The following PEAK1 variants were observed in gnomAD, a reference collection of about 807,000 sequenced individuals.
PEAK1 encodes the protein inactive tyrosine-protein kinase PEAK1.
In PEAK1, 54 loss-of-function variants were observed where a neutral mutation model predicts 124.7. That is an observed-to-expected ratio of 0.43 (90% CI 0.35 to 0.54). The LOEUF is 0.54. Among genes scored for constraint, PEAK1 ranks in the 20% least tolerant of loss-of-function variants. PEAK1 has a pLI of 0.01. For missense variants in PEAK1, 2,046 were observed against 2,134.5 expected (o/e 0.96, Z 0.82); for synonymous variants, 719 against 760.0 (o/e 0.95, Z 0.89).
intron 6 of PEAK1, among the ~76,000 whole-genome samples, chr15:77,242,215 A>C (rs565052413): frequency 3.9e-5 from 6 of 152,086 alleles, no homozygotes; most frequent in Non-Finnish European, 8.8e-5. Flanking sequence ...TGGATCAAAC[A>C]GTATGCACAT....
chr15:77,133,356 AC>A lies in PEAK1; in HGVS notation c.3725del (p.Ser1242IlefsTer45). The A allele has an allele frequency of 6.2e-7, 1 of 1,614,200 alleles. No homozygotes were observed. Among genetic ancestry groups the A allele is most frequent in the South Asian group, 1.1e-5 (1 of 91,082 alleles). On this transcript the variant is annotated frameshift_variant, in exon 9 of 10. Coordinates refer to ENST00000682557, the MANE Select transcript of PEAK1 (RefSeq NM_001385026.1). LOFTEE classifies it high-confidence loss of function. The surrounding 1 kb of genome is among the most constrained non-coding windows in gnomAD (Gnocchi z 4.2). ...ANSISSLTTL[S>X]IKDRFSNSME... The stretch of plus-strand genomic sequence containing the variant: ...TGCTGTTGGAAAATCTATCCTTAAT[AC>A]TGAGAGTGGTTAAGCTGGAAATGCT...
At chr15:77,353,748 A>T (rs1268483706) in intron 2 of PEAK1, among the ~76,000 whole-genome samples, 1 of 152,244 alleles carries the variant, frequency 6.6e-6, no homozygotes, top group Non-Finnish European at 1.5e-5. Flanking sequence ...GGGAAATACA[A>T]AGAAGTCAGC....
intron 7 of PEAK1, among the ~76,000 whole-genome samples, chr15:77,172,954 A>T (rs1424195162): frequency 6.6e-6 from 1 of 152,068 alleles, no homozygotes; most frequent in Non-Finnish European, 1.5e-5. Context: ...AGGTCTCATT[A>T]TGTTACCTAG....
chr15:77,414,197 T>TTCTTTC (rs748182971), intron 1 of PEAK1, among the ~76,000 whole-genome samples: 2,102 of 144,500 alleles, frequency 0.015, 42 homozygotes, highest in African/African-American at 0.039. Flanking sequence ...CTTTCCTTCC[T>TTCTTTC]TCTTTCCTTC....
At chr15:77,218,761 T>C (rs771369232) in intron 6 of PEAK1, among the ~76,000 whole-genome samples, 1 of 151,890 alleles carries the variant, frequency 6.6e-6, no homozygotes, top group Non-Finnish European at 1.5e-5. Flanking sequence ...TTTTGCATTA[T>C]TTTTTTTCCC....
At chr15:77,337,990 T>C (rs1233900067) in intron 2 of PEAK1, 1 of 984,374 alleles carries the variant, frequency 1.0e-6, no homozygotes, top group African/African-American at 1.7e-5. Flanking sequence ...CTGGAACCTA[T>C]AATAAATTAT....
chr15:77,302,793 C>T (rs1166591113), intron 2 of PEAK1, among the ~76,000 whole-genome samples: 1 of 152,144 alleles, frequency 6.6e-6, no homozygotes, highest in Admixed American at 6.5e-5. Context: ...AAAATTTGTA[C>T]ACATTAAGAT....
intron 6 of PEAK1, among the ~76,000 whole-genome samples, 166 bp from the exon 7 acceptor site, chr15:77,182,206 A>C (rs907176689): frequency 6.6e-6 from 1 of 152,202 alleles, no homozygotes; most frequent in African/African-American, 2.4e-5. Context: ...TTAGCCAATC[A>C]GCATTTGGAA....
chr15:77,146,516 A>G (rs187420775), intron 8 of PEAK1, among the ~76,000 whole-genome samples: 3 of 152,364 alleles, frequency 2.0e-5, no homozygotes, highest in African/African-American at 7.2e-5. Flanking sequence ...ATTTATCTAC[A>G]TAATTTAAAT....
At chr15:77,359,672 G>GA (rs1258818143) in intron 2 of PEAK1, among the ~76,000 whole-genome samples, 2 of 151,602 alleles carry the variant, frequency 1.3e-5, no homozygotes, top group East Asian at 3.9e-4. Context: ...AATGAAATTA[G>GA]AAAAAAAATT....
chr15:77,258,953 C>T (rs1008760161), intron 5 of PEAK1, among the ~76,000 whole-genome samples: 2 of 152,124 alleles, frequency 1.3e-5, no homozygotes, highest in Admixed American at 6.5e-5. Flanking sequence ...TGAATTTTGT[C>T]AAAGGCCTTT....
intron 2 of PEAK1, chr15:77,335,311 G>C: frequency 2.0e-6 from 2 of 985,374 alleles, no homozygotes; most frequent in Middle Eastern, 5.2e-4. Flanking sequence ...TCTGGCATGA[G>C]TGGCATTAAG....
intron 2 of PEAK1, among the ~76,000 whole-genome samples, chr15:77,329,208 C>A (rs2065758717): frequency 6.6e-6 from 1 of 152,038 alleles, no homozygotes; most frequent in Non-Finnish European, 1.5e-5. Flanking sequence ...AAATGCAGAG[C>A]AAAACAAAAT....
At chr15:77,329,678 G>C (rs146526322) in intron 2 of PEAK1, among the ~76,000 whole-genome samples, 2 of 152,258 alleles carry the variant, frequency 1.3e-5, no homozygotes, top group Admixed American at 6.5e-5. Context: ...GGATGACCTG[G>C]ACATGACCAT....
chr15:77,152,695 T>C (rs959622797), intron 8 of PEAK1, among the ~76,000 whole-genome samples: 8 of 152,338 alleles, frequency 5.3e-5, no homozygotes, highest in African/African-American at 1.9e-4. Flanking sequence ...GTTTTTAGCA[T>C]GAAGGGTTGT....
At chr15:77,150,283 T>G (rs959556049) in intron 8 of PEAK1, among the ~76,000 whole-genome samples, 5 of 152,170 alleles carry the variant, frequency 3.3e-5, no homozygotes, top group African/African-American at 1.2e-4. Flanking sequence ...GTGGCTAAGA[T>G]CGACTCGATT....
At chr15:77,265,552 T>C (rs1387759067) in intron 5 of PEAK1, among the ~76,000 whole-genome samples, 1 of 152,162 alleles carries the variant, frequency 6.6e-6, no homozygotes, top group East Asian at 1.9e-4. Context: ...CAAACTGCAA[T>C]GAGATACCAT....
chr15:77,358,168 T>C (rs2067644122), intron 2 of PEAK1, among the ~76,000 whole-genome samples: 1 of 152,104 alleles, frequency 6.6e-6, no homozygotes, highest in Non-Finnish European at 1.5e-5. Context: ...TATTCTCCTC[T>C]CTCTCTCTAC....
intron 6 of PEAK1, among the ~76,000 whole-genome samples, chr15:77,243,353 A>G (rs1567158121): frequency 6.6e-6 from 1 of 152,234 alleles, no homozygotes. Context: ...GAATGCCTAC[A>G]TGTTGTTTCC....
Sources: allele counts gnomAD v4.1 joint callset (sites outside exome capture counted in the v4.1 genomes callset), GRCh38; gene constraint gnomAD v4.1.1; non-coding constraint Gnocchi (gnomAD v3.1); transcripts MANE v1.5; gene names NCBI Gene and HGNC (gene_info 2026-07-23, HGNC 2026-07-21).